Variants in CNKSR3 observed in about 807,000 individuals in gnomAD.
CNKSR3 encodes the protein connector enhancer of kinase suppressor of ras 3.
A neutral mutation model predicts 67.7 loss-of-function variants in CNKSR3; 36 were observed. The observed-to-expected ratio is 0.53, with a 90% CI of 0.41 to 0.70. The LOEUF is 0.70. CNKSR3 is among the 30% of genes least tolerant of loss of function. The pLI, the probability that CNKSR3 is intolerant of heterozygous loss-of-function variation, is 0.00. For missense variants in CNKSR3, 630 were observed against 695.2 expected (o/e 0.91, Z 1.05); for synonymous variants, 281 against 271.4 (o/e 1.04, Z -0.35).
At chr6:154,466,931 T>G (rs1372627459) in intron 1 of CNKSR3, among the ~76,000 whole-genome samples, 1 of 152,026 alleles carries the variant, frequency 6.6e-6, no homozygotes, top group East Asian at 1.9e-4. Context: ...TGTATTTTTT[T>G]ATGGAAGAGA....
intron 1 of CNKSR3, among the ~76,000 whole-genome samples, chr6:154,460,965 C>A (rs1267554552): frequency 6.6e-6 from 1 of 152,172 alleles, no homozygotes; most frequent in African/African-American, 2.4e-5. Flanking sequence ...CCTGAGCCAT[C>A]AGGATTTCCA....
At chr6:154,416,369 C>T (rs1401991390) in intron 9 of CNKSR3, among the ~76,000 whole-genome samples, 2 of 152,116 alleles carry the variant, frequency 1.3e-5, no homozygotes, top group African/African-American at 2.4e-5. Flanking sequence ...TATTTTAAAC[C>T]GTGGCCATTA....
chr6:154,495,207 C>T (rs1786853556), intron 1 of CNKSR3, among the ~76,000 whole-genome samples: 1 of 152,128 alleles, frequency 6.6e-6, no homozygotes, highest in African/African-American at 2.4e-5. Context: ...GAGGGCACTG[C>T]ATTTTCTTAA....
chr6:154,432,531 C>T (rs1785390821), intron 5 of CNKSR3, among the ~76,000 whole-genome samples: 1 of 152,132 alleles, frequency 6.6e-6, no homozygotes, highest in South Asian at 2.1e-4. Context: ...ATGAAGTCTA[C>T]CTTATCAATT....
chr6:154,441,203 T>G (rs1785573211), intron 4 of CNKSR3, 89 bp downstream of exon 4: 2 of 949,634 alleles, frequency 2.1e-6, no homozygotes, highest in East Asian at 2.4e-5. Context: ...AGAGTAGTAC[T>G]TCATACCTGC....
intron 1 of CNKSR3, among the ~76,000 whole-genome samples, chr6:154,453,328 T>C (rs1345984565): frequency 2.0e-5 from 3 of 152,148 alleles, no homozygotes; most frequent in Admixed American, 6.5e-5. Context: ...TTTGGAGCAC[T>C]GAAAAGGCTG....
intron 1 of CNKSR3, among the ~76,000 whole-genome samples, chr6:154,482,408 G>A: frequency 6.6e-6 from 1 of 152,108 alleles, no homozygotes; most frequent in East Asian, 1.9e-4. Context: ...CAAAGTGGGT[G>A]GGCCATGACA....
At chr6:154,421,787 A>T (rs1319536007) in intron 9 of CNKSR3, among the ~76,000 whole-genome samples, 1 of 152,034 alleles carries the variant, frequency 6.6e-6, no homozygotes, top group Non-Finnish European at 1.5e-5. Context: ...TCTCTCCAGG[A>T]TTAGTGTTCA....
In CNKSR3 at chr6:154,397,170, T is replaced by G. The variant is rs1391659284; in HGVS notation, c.*9184A>C. Reference sequence around the variant, plus strand: ...TTATACCCTGGCTTTGTATTTTATGTTGGCTAAAGAGAATGATTCAATAAG... The same window carrying G: ...TTATACCCTGGCTTTGTATTTTATGGTGGCTAAAGAGAATGATTCAATAAG... On this transcript the variant is annotated 3_prime_UTR_variant, in exon 13 of 13. Transcript: ENST00000607772. 1 of 152,164 alleles carries G rather than the reference T, an allele frequency of 6.6e-6. No homozygotes were observed. Among genetic ancestry groups the G allele is most frequent in the African/African-American group, 2.4e-5 (1 of 41,440 alleles). The allele number at this position is 152,164 out of a possible 1,614,324, so 9.4% of individuals were successfully genotyped here. A position where few individuals can be genotyped will look rare whatever the true frequency, so the allele number is the denominator to read the frequency against.
At position 154,414,393 on chromosome 6, in the gene CNKSR3, G is replaced by A; in HGVS notation, c.976C>T (p.Pro326Ser). 1 of 1,606,318 alleles carries A rather than the reference G, an allele frequency of 6.2e-7. No homozygotes were observed. Among genetic ancestry groups the A allele is most frequent in the Non-Finnish European group, 8.5e-7 (1 of 1,177,632 alleles). ...TSPPPATTQS[P>S]ESTMDTSLKK... ...AGTGAGGTATCCATAGTGCTTTCAG[G>A]GGACTGGGTTGTCGCGGGTGGAGGT... is the stretch of plus-strand genomic sequence containing the variant. Residue 326 changes from proline to serine, a missense_variant, in exon 10 of 13, where the codon CCT becomes TCT. Transcript: ENST00000607772.
chr6:154,477,928 G>A (rs558318743), intron 1 of CNKSR3, among the ~76,000 whole-genome samples: 25 of 152,158 alleles, frequency 1.6e-4, no homozygotes, highest in African/African-American at 5.8e-4. Flanking sequence ...ATCACTCACC[G>A]CCAGGCACCA....
intron 4 of CNKSR3, among the ~76,000 whole-genome samples, chr6:154,436,295 C>A (rs1785470833): frequency 6.6e-6 from 1 of 152,194 alleles, no homozygotes; most frequent in South Asian, 2.1e-4. Flanking sequence ...CCTCAGCCTC[C>A]CAAGTAGCTG....
rs200046406 is a variant in CNKSR3, at chr6:154,488,005, AAAC to A, written c.52+22055_52+22057del. On this transcript the variant is annotated intron_variant, in intron 1 of 12. Transcript: ENST00000607772. ...AACTACATGAAACAAAAAACAAACC[AAAC>A]AACTCTAATCTTTACATCTTATCAA... Among the ~76,000 whole-genome samples the A allele has an allele frequency of 9.3e-4, 142 of 152,348 alleles. 2 individuals carry two copies. The East Asian group carries it at 0.019, about 20-fold the overall frequency.
Position 154,400,893 on chromosome 6 carries a change from G to A in CNKSR3, c.*5461C>T, listed in dbSNP as rs1202928641. On this transcript the variant is annotated 3_prime_UTR_variant, in exon 13 of 13. Transcript: ENST00000607772. ...ATTAAAAGGTAAATTTTACAGTAAAGAGACTAATTTTTTTCTAATTCCATA... is the reference window on the plus strand; with the variant it reads ...ATTAAAAGGTAAATTTTACAGTAAAAAGACTAATTTTTTTCTAATTCCATA... The A allele has an allele frequency of 6.6e-6, 1 of 152,144 alleles. No homozygotes were observed. The highest frequency in any genetic ancestry group is 6.5e-5 in the Admixed American group (1 of 15,270). The allele number at this position is 152,144 out of a possible 1,614,324, so 9.4% of individuals were successfully genotyped here. A position where few individuals can be genotyped will look rare whatever the true frequency, so the allele number is the denominator to read the frequency against.
At chr6:154,422,427 A>C (rs1785164624) in intron 9 of CNKSR3, 79 bp downstream of exon 9, 1 of 1,413,758 alleles carries the variant, frequency 7.1e-7, no homozygotes, top group South Asian at 1.2e-5. Flanking sequence ...ATCACCTTCA[A>C]ATTTTAATCT....
chr6:154,434,135 T>C (rs1785424066), intron 4 of CNKSR3: 1 of 152,222 alleles, frequency 6.6e-6, no homozygotes, highest in South Asian at 2.1e-4. Flanking sequence ...ATGCAAAGCA[T>C]TATTTATTCA....
intron 1 of CNKSR3, among the ~76,000 whole-genome samples, chr6:154,491,047 A>G (rs1039258994): frequency 3.3e-5 from 5 of 151,998 alleles, no homozygotes; most frequent in African/African-American, 1.2e-4. Context: ...AGGTTTCTCC[A>G]TGTTGGTCAG....
At chr6:154,499,535 G>A (rs1562359425) in intron 1 of CNKSR3, among the ~76,000 whole-genome samples, 1 of 152,160 alleles carries the variant, frequency 6.6e-6, no homozygotes, top group South Asian at 2.1e-4. Context: ...GAGACGCCCC[G>A]CATGTATGTG....
chr6:154,400,015 A>T lies in CNKSR3; in HGVS notation c.*6339T>A, dbSNP rs1337537531. ...GTTTATGCTCCAGGCAAGAGGAGAGAAAATGATGAGAATATCCTTATCCCT... is the reference window on the plus strand; with the variant it reads ...GTTTATGCTCCAGGCAAGAGGAGAGTAAATGATGAGAATATCCTTATCCCT... On this transcript the variant is annotated 3_prime_UTR_variant, in exon 13 of 13. Transcript: ENST00000607772. 1 of 152,202 alleles carries T rather than the reference A, an allele frequency of 6.6e-6. No individual in the cohort carries two copies. Among genetic ancestry groups the T allele is most frequent in the African/African-American group, 2.4e-5 (1 of 41,438 alleles). 9.4% of individuals were successfully genotyped at this position (152,202 alleles called of 1,614,324 possible).
Sources: allele counts gnomAD v4.1 joint callset (sites outside exome capture counted in the v4.1 genomes callset), GRCh38; gene constraint gnomAD v4.1.1; transcripts MANE v1.5; gene names NCBI Gene and HGNC (gene_info 2026-07-23, HGNC 2026-07-21).